Variants in COL15A1 observed in about 807,000 individuals in gnomAD.
COL15A1 encodes collagen alpha-1(XV) chain.
In COL15A1, 111 loss-of-function variants were observed where a neutral mutation model predicts 165.9. That is an observed-to-expected ratio of 0.67 (90% CI 0.57 to 0.78). The LOEUF is 0.78. Ranked by LOEUF, COL15A1 falls within the 30% of genes least tolerant of loss-of-function variation. The pLI, the probability that COL15A1 is intolerant of heterozygous loss-of-function variation, is 0.00. For missense variants in COL15A1, 1,745 were observed against 1,789.7 expected (o/e 0.98, Z 0.45); for synonymous variants, 659 against 674.8 (o/e 0.98, Z 0.36).
At chr9:99,020,950 C>T (rs1049661828) in intron 12 of COL15A1, among the ~76,000 whole-genome samples, 2 of 152,164 alleles carry the variant, frequency 1.3e-5, no homozygotes, top group East Asian at 1.9e-4. Context: ...GATGACCCTG[C>T]GGTGTGGGAT....
chr9:98,944,635 G>T (rs1285280972), intron 2 of COL15A1, among the ~76,000 whole-genome samples: 1 of 152,274 alleles, frequency 6.6e-6, no homozygotes, highest in East Asian at 1.9e-4. Context: ...CAGGTCTGGT[G>T]CCTCTCCGCA....
chr9:98,979,538 T>C (rs1464646495), intron 2 of COL15A1, among the ~76,000 whole-genome samples: 1 of 152,232 alleles, frequency 6.6e-6, no homozygotes, highest in African/African-American at 2.4e-5. Flanking sequence ...TTCTTTTGGG[T>C]ATTCATTTAC....
At chr9:98,990,367 C>T (rs563907399) in intron 5 of COL15A1, among the ~76,000 whole-genome samples, 3 of 152,152 alleles carry the variant, frequency 2.0e-5, no homozygotes, top group African/African-American at 7.2e-5. Context: ...CCAAGGATGG[C>T]GGCCAACTCT....
rs558267149 is a variant in COL15A1 at position 99,019,088 on chromosome 9, C to T, written c.1648-1301C>T. Among the ~76,000 whole-genome samples the T allele has an allele frequency of 5.3e-5, 8 of 152,292 alleles. No individual in the cohort carries two copies. The East Asian group carries it at 1.5e-3, about 29-fold the overall frequency. ...CCTGCTAAGTCCCCACGTTAGGGAT[C>T]TGCAATGAACTCAGATGAATGCCCC... is the stretch of plus-strand genomic sequence containing the variant. On this transcript the variant is annotated intron_variant, in intron 11 of 41. Transcript: ENST00000375001.
rs369461765 is a variant in COL15A1, at chr9:99,056,260, G to A, written c.3193G>A (p.Gly1065Ser). 4 of 1,613,992 alleles carry A rather than the reference G, an allele frequency of 2.5e-6. No homozygotes were observed. In the South Asian group the frequency reaches 3.3e-5, roughly 13 times the overall value. The change falls in exon 35 of 42, where the codon GGC becomes AGC. Residue 1065 changes from glycine to serine, a missense_variant and splice_region_variant. Physicochemically the swap from Gly to Ser is moderately conservative, Grantham distance 56. Transcript: ENST00000375001. Reference protein sequence around the residue: ...PGLPGNPGPAGQKGETVVGPQ... With the variant: ...PGLPGNPGPASQKGETVVGPQ... ...TGTTATTGTGTGCTTGCCTTGACAG[G>A]GCCAAAAAGGGGAGACAGTCGTTGG...
chr9:98,945,926 T>C (rs1837576427), intron 2 of COL15A1, among the ~76,000 whole-genome samples: 1 of 152,176 alleles, frequency 6.6e-6, no homozygotes. Flanking sequence ...AGGGCTGTTG[T>C]TTCTAACACA....
intron 2 of COL15A1, among the ~76,000 whole-genome samples, chr9:98,967,079 A>G (rs1837970086): frequency 6.6e-6 from 1 of 152,192 alleles, no homozygotes; most frequent in Non-Finnish European, 1.5e-5. Context: ...CATTAGGGAG[A>G]TGAGGGTGAC....
chr9:99,005,034 G>A lies in COL15A1; in HGVS notation c.1337G>A (p.Gly446Glu). The change falls in exon 9 of 42, where the codon GGG becomes GAG. Residue 446 changes from glycine to glutamate, a missense_variant. Transcript: ENST00000375001. ...LDLSMSAQSL[G>E]EEATVGPSSE... ...CTCTCCATGTCCGCCCAGAGCCTCGGGGAAGAGGCCACTGTGGTAAGGATC... is the reference window on the plus strand; with the variant it reads ...CTCTCCATGTCCGCCCAGAGCCTCGAGGAAGAGGCCACTGTGGTAAGGATC... The A allele has an allele frequency of 6.2e-7, 1 of 1,609,582 alleles. No homozygotes were observed. The highest frequency in any genetic ancestry group is 8.5e-7 in the Non-Finnish European group (1 of 1,177,886).
intron 11 of COL15A1, 52 bp downstream of exon 11, chr9:99,016,171 G>A (rs1234359502): frequency 6.5e-7 from 1 of 1,529,852 alleles, no homozygotes; most frequent in Non-Finnish European, 8.8e-7. Context: ...ACAGGGGAGA[G>A]AAAGAAAGGC....
chr9:98,948,073 G>A (rs1049922140), intron 2 of COL15A1, among the ~76,000 whole-genome samples: 1 of 152,146 alleles, frequency 6.6e-6, no homozygotes, highest in Non-Finnish European at 1.5e-5. Context: ...CTAGTTTGAG[G>A]TTTGATTATT....
Position 98,978,156 on chromosome 9 carries a change from G to A in COL15A1, c.101-7409G>A, listed in dbSNP as rs7033721. ...TCAATTTCCCTGTCTAGAAAACAAG[G>A]ATGTTGGATAGATTCATGAATTTTT... On this transcript the variant is annotated intron_variant, in intron 2 of 41. Coordinates refer to ENST00000375001, the MANE Select transcript of COL15A1 (RefSeq NM_001855.5). 7.1e-3 allele frequency among the ~76,000 whole-genome samples: 1,075 copies of A among 152,344 alleles called. 17 individuals carry two copies. Among genetic ancestry groups the A allele is most frequent in the African/African-American group, 0.024 (1,017 of 41,572 alleles).
At chr9:98,957,036 G>A (rs952630327) in intron 2 of COL15A1, among the ~76,000 whole-genome samples, 4 of 152,196 alleles carry the variant, frequency 2.6e-5, no homozygotes, top group Admixed American at 6.5e-5. Flanking sequence ...CCCCCAGGAC[G>A]TGTCACTCCA....
At chr9:98,991,900 C>T (rs935081246) in intron 5 of COL15A1, among the ~76,000 whole-genome samples, 1 of 152,064 alleles carries the variant, frequency 6.6e-6, no homozygotes, top group Admixed American at 6.5e-5. Flanking sequence ...AAAAGTTCTC[C>T]AAGTCCCCAC....
At chr9:99,054,735 C>A in intron 32 of COL15A1, 79 bp downstream of exon 32, 1 of 1,469,370 alleles carries the variant, frequency 6.8e-7, no homozygotes. Flanking sequence ...TGTGACCTAG[C>A]CAGAGGGTAA....
intron 30 of COL15A1, among the ~76,000 whole-genome samples, chr9:99,050,288 C>G (rs1255367190): frequency 6.6e-6 from 1 of 152,202 alleles, no homozygotes; most frequent in Non-Finnish European, 1.5e-5. Flanking sequence ...ACTATGCTGC[C>G]CTTTCCCAGT....
rs756946872 is a variant in COL15A1 at position 99,062,277 on chromosome 9, C to G, written c.3564C>G (p.Ser1188Arg). 6.2e-6 allele frequency: 10 copies of G among 1,613,390 alleles called. No homozygotes were observed. Among genetic ancestry groups the G allele is most frequent in the Non-Finnish European group, 8.5e-6 (10 of 1,179,404 alleles). Reference sequence around the variant, plus strand: ...AACTGATCCCCATTCCTGCCGACAGCCCTCCACCCCCTGCGCTTTCCAGCA... The same window carrying G: ...AACTGATCCCCATTCCTGCCGACAGGCCTCCACCCCCTGCGCTTTCCAGCA... ...LGELIPIPAD[S>R]PPPPALSSNP... The change falls in exon 38 of 42, where the codon AGC becomes AGG. Residue 1188 changes from serine to arginine, a missense_variant. Ser to Arg is a moderately radical substitution (Grantham distance 110). Coordinates refer to ENST00000375001, the MANE Select transcript of COL15A1 (RefSeq NM_001855.5).
intron 9 of COL15A1, among the ~76,000 whole-genome samples, chr9:99,013,312 C>T (rs1015130190): frequency 1.3e-5 from 2 of 152,190 alleles, no homozygotes; most frequent in Non-Finnish European, 2.9e-5. Context: ...GACACTCCCA[C>T]TTGCCCTCCA....
chr9:98,969,304 GTTT>G (rs1299131571), intron 2 of COL15A1, among the ~76,000 whole-genome samples: 1 of 152,300 alleles, frequency 6.6e-6, no homozygotes, highest in Non-Finnish European at 1.5e-5. Flanking sequence ...TCTGCTCAGT[GTTT>G]TATGTCTATT....
At chr9:98,996,851 A>G (rs1283314002) in intron 5 of COL15A1, 83 bp from the exon 6 acceptor site, 4 of 1,563,462 alleles carry the variant, frequency 2.6e-6, no homozygotes, top group South Asian at 1.2e-5. Context: ...TGGATATATT[A>G]TTTTCTTCAG....
Sources: gnomAD v4.1 joint callset for allele counts (sites outside exome capture counted in the v4.1 genomes callset) on GRCh38, gnomAD v4.1.1 for gene constraint, MANE v1.5 for transcripts, NCBI Gene and HGNC (gene_info 2026-07-23, HGNC 2026-07-21) for gene names.